The following NAV3 variants were observed in gnomAD, a reference collection of about 807,000 sequenced individuals.
NAV3 encodes pore membrane and/or filament interacting like protein 1.
Under a neutral mutation model 244.7 loss-of-function variants are expected in NAV3, and 87 were observed. The observed-to-expected ratio is 0.36, with a 90% confidence interval of 0.30 to 0.42. NAV3 has a LOEUF of 0.42. Ranked by LOEUF, NAV3 falls within the 20% of genes least tolerant of loss-of-function variation. The pLI is 1.00. For synonymous variants in NAV3, 1,126 were observed against 1,042.2 expected, an observed-to-expected ratio of 1.08 and a Z score of -1.55; for missense variants, 2,663 against 2,893.3, an observed-to-expected ratio of 0.92 and a Z score of 1.83.
chr12:77,945,112 A>T (rs1383510285), intron 3 of NAV3, among the ~76,000 whole-genome samples: 4 of 93,422 alleles, frequency 4.3e-5, no homozygotes, highest in Non-Finnish European at 6.6e-5. Context: ...CTGTTAAGAC[A>T]CTGTTAGAGA....
intron 20 of NAV3, among the ~76,000 whole-genome samples, chr12:78,143,632 A>G (rs1956729421): frequency 6.6e-6 from 1 of 151,682 alleles, no homozygotes; most frequent in Admixed American, 6.6e-5. Flanking sequence ...CTCAGAAAAA[A>G]AAAAAAAAAA....
chr12:77,754,599 G>C (rs937079238), intron 2 of NAV3, among the ~76,000 whole-genome samples: 1 of 152,176 alleles, frequency 6.6e-6, no homozygotes, highest in African/African-American at 2.4e-5. Context: ...GACAGCTGCA[G>C]AAAACATGTT....
chr12:77,904,663 T>C (rs1321388631), intron 1 of NAV3, among the ~76,000 whole-genome samples: 1 of 151,676 alleles, frequency 6.6e-6, no homozygotes, highest in African/African-American at 2.4e-5. Context: ...AAAAGAAAAA[T>C]GTGGTAAAGA....
chr12:77,962,786 A>G (rs73344787), intron 3 of NAV3, among the ~76,000 whole-genome samples: 5,774 of 152,266 alleles, frequency 0.038, 192 homozygotes, highest in African/African-American at 0.094. Flanking sequence ...AACAGAAGAC[A>G]GTACAGTGCA....
chr12:77,659,336 G>T (rs1200640016), intron 2 of NAV3, among the ~76,000 whole-genome samples: 2 of 151,928 alleles, frequency 1.3e-5, no homozygotes, highest in Non-Finnish European at 2.9e-5. Flanking sequence ...AGACATTTAT[G>T]CAGCCAAAAA....
chr12:77,793,787 T>C (rs1402537447), intron 2 of NAV3, among the ~76,000 whole-genome samples: 4 of 152,240 alleles, frequency 2.6e-5, no homozygotes, highest in Non-Finnish European at 5.9e-5. Context: ...TAAACATACA[T>C]GTGCATGTGT....
chr12:77,740,849 A>G (rs1056521016), intron 2 of NAV3, among the ~76,000 whole-genome samples: 4 of 152,112 alleles, frequency 2.6e-5, no homozygotes, highest in Non-Finnish European at 5.9e-5. Context: ...TTAGAAGTGG[A>G]AAAAGATGAG....
chr12:77,860,072 A>G (rs892275751), intron 1 of NAV3, among the ~76,000 whole-genome samples: 5 of 151,876 alleles, frequency 3.3e-5, no homozygotes, highest in Admixed American at 1.3e-4. Flanking sequence ...TATTAAGTGG[A>G]AAAAGCAAAG....
rs756289589 is a variant in NAV3 at position 77,831,507 on chromosome 12, G to T, written c.46G>T (p.Gly16Trp). Residue 16 changes from glycine to tryptophan, a missense_variant, in exon 1 of 40, where the codon GGG (glycine) becomes TGG (tryptophan). Gly to Trp is a radical substitution (Grantham distance 184). Coordinates refer to ENST00000397909, the MANE Select transcript of NAV3 (RefSeq NM_001024383.2). ...VASKLRQPAV[G>W]SKPVHTALPI... ...CTCAAAACTGAGGCAGCCAGCTGTTGGGTCAAAGCCTGTGCATACTGCTCT... is the reference window on the plus strand; with the variant it reads ...CTCAAAACTGAGGCAGCCAGCTGTTTGGTCAAAGCCTGTGCATACTGCTCT... 23 of 1,612,578 alleles carry T rather than the reference G, an allele frequency of 1.4e-5. 1 individual carries two copies. The East Asian group carries it at 4.0e-4, about 28-fold the overall frequency.
intron 31 of NAV3, among the ~76,000 whole-genome samples, chr12:78,186,995 T>G (rs940109370): frequency 1.3e-5 from 2 of 151,928 alleles, no homozygotes; most frequent in African/African-American, 4.8e-5. Context: ...CCCACCATTA[T>G]GATTTCATTT....
intron 5 of NAV3, among the ~76,000 whole-genome samples, chr12:77,977,689 T>TATAC (rs1555248293): frequency 2.0e-3 from 288 of 142,044 alleles, no homozygotes; most frequent in Admixed American, 4.2e-3. Context: ...GATATATATA[T>TATAC]ACACACACAC....
intron 26 of NAV3, 37 bp downstream of exon 26, chr12:78,176,496 T>C (rs781234912): frequency 2.5e-6 from 4 of 1,609,700 alleles, no homozygotes; most frequent in Non-Finnish European, 3.4e-6. Context: ...CATGCATCTA[T>C]AAAAAAACCC....
chr12:77,632,336 G>A (rs1411280302), intron 2 of NAV3, among the ~76,000 whole-genome samples: 2 of 152,180 alleles, frequency 1.3e-5, no homozygotes, highest in East Asian at 3.9e-4. Flanking sequence ...AGACTGGGAA[G>A]AAAAAGAGGT....
rs180856777 is a variant in NAV3 at position 77,727,430 on chromosome 12, A to T, written c.72+155164A>T. On this transcript the variant is annotated intron_variant, in intron 2 of 8. Transcript: ENST00000550042. Reference sequence around the variant, plus strand: ...CTTATTTCAGCTCTTAAGAGGAACAATTTTTTTTTTTAATTGCATGAATCA... The same window carrying T: ...CTTATTTCAGCTCTTAAGAGGAACATTTTTTTTTTTTAATTGCATGAATCA... 6.6e-3 allele frequency among the ~76,000 whole-genome samples: 989 copies of T among 148,936 alleles called. 11 individuals carry two copies. The highest frequency in any genetic ancestry group is 0.023 in the African/African-American group (950 of 40,992).
chr12:78,087,397 G>C (rs1052355260), intron 12 of NAV3, among the ~76,000 whole-genome samples: 1 of 151,996 alleles, frequency 6.6e-6, no homozygotes, highest in Non-Finnish European at 1.5e-5. Context: ...ATAGCACAGA[G>C]GAGTAGGGAA....
intron 1 of NAV3, among the ~76,000 whole-genome samples, chr12:77,882,681 A>G (rs562660268): frequency 6.6e-6 from 1 of 152,286 alleles, no homozygotes; most frequent in Non-Finnish European, 1.5e-5. Context: ...CAAACTATGT[A>G]TTCAATGAAG....
intron 22 of NAV3, 126 bp downstream of exon 22, chr12:78,149,045 C>A: frequency 1.3e-6 from 1 of 756,250 alleles, no homozygotes; most frequent in Non-Finnish European, 2.1e-6. Context: ...TAGCAGGACT[C>A]ATAAAAAGTT....
chr12:77,979,166 G>A (rs1433929927), intron 5 of NAV3, among the ~76,000 whole-genome samples: 1 of 150,450 alleles, frequency 6.6e-6, no homozygotes, highest in Non-Finnish European at 1.5e-5. Context: ...CTGAGGTCAG[G>A]AGTTCCAGAC....
chr12:78,027,749 A>C (rs1878314861), intron 9 of NAV3, among the ~76,000 whole-genome samples: 1 of 152,196 alleles, frequency 6.6e-6, no homozygotes. Flanking sequence ...TGCAGAATGG[A>C]CATGCCAATG....
Sources: allele counts gnomAD v4.1 joint callset (sites outside exome capture counted in the v4.1 genomes callset), GRCh38; gene constraint gnomAD v4.1.1; transcripts MANE v1.5; gene names NCBI Gene and HGNC (gene_info 2026-07-23, HGNC 2026-07-21).